PODNL1: variants seen among roughly 807,000 people sequenced by gnomAD.
The protein encoded by PODNL1 is podocan-like protein 1.
Under a neutral mutation model 45.1 loss-of-function variants are expected in PODNL1, and 50 were observed. The observed-to-expected ratio is 1.11, with a 90% CI of 0.88 to 1.40. The LOEUF (loss-of-function observed/expected upper bound fraction) is 1.40. Among genes scored for constraint, PODNL1 ranks in the 40% most tolerant of loss-of-function variants. PODNL1 has a pLI of 0.00. For synonymous variants in PODNL1, 406 were observed against 372.5 expected (o/e 1.09, Z -1.04); for missense variants, 788 against 793.3 (o/e 0.99, Z 0.08).
In PODNL1 at chr19:13,932,829, G is replaced by A; in HGVS notation, c.1394C>T (p.Pro465Leu). 1.2e-6 allele frequency: 2 copies of A among 1,612,900 alleles called. No individual in the cohort carries two copies. The highest frequency in any genetic ancestry group is 1.7e-6 in the Non-Finnish European group (2 of 1,179,968). ...HNRLRVGDIG[P>L]GTWHELQALQ... is the part of the protein sequence containing the mutation. ...GGCTTGGAGCTCATGCCAGGTGCCT[G>A]GCCCGATGTCGCCGACCCGGAGCCG... The change falls in exon 8 of 10, where the codon CCA becomes CTA. Residue 465 changes from proline to leucine, a missense_variant. By Grantham distance (98) the Pro-to-Leu change is moderately conservative (BLOSUM62 -3). This residue lies in a region of PODNL1 where 762 missense variants were observed against 750.9 expected (regional missense o/e 1.01). Transcript: ENST00000588872.
At chr19:13,948,867 C>T (rs1972913773) in intron 1 of PODNL1, among the ~76,000 whole-genome samples, 1 of 149,564 alleles carries the variant, frequency 6.7e-6, no homozygotes, top group South Asian at 2.1e-4. Context: ...TCACTTGAAC[C>T]TGGGAGGAGG....
At chr19:13,952,547 G>A in intron 1 of PODNL1, 4 of 1,264,910 alleles carry the variant, frequency 3.2e-6, no homozygotes, top group Non-Finnish European at 4.0e-6. Flanking sequence ...CGGAACAGCG[G>A]GGCTGGGAGC....
chr19:13,933,317 C>T lies in PODNL1; in HGVS notation c.906G>A (p.Gly302=), dbSNP rs1463472137. ...IRQVEAARLH[G]ARGLRYLLLQ... ...GCAACAAATAGCGCAGACCACGCGC[C>T]CCGTGCAGCCGAGCCGCCTCCACCT... Residue 302 remains glycine (G), a synonymous_variant, in exon 8 of 10, where the codon GGG becomes GGA. Transcript: ENST00000588872. This position sits in a 1 kb window ranked among gnomAD's most constrained non-coding sequence, Gnocchi z 5.2. The T allele has an allele frequency of 6.3e-7, 1 of 1,597,304 alleles. No individual in the cohort carries two copies.
chr19:13,946,868 T>C lies in PODNL1; in HGVS notation c.18+6251A>G, dbSNP rs140671647. Reference sequence around the variant, plus strand: ...GAGATCAAGACCATCCTGGCTAACATGGTGAAACCCCTTCTCTACTAAAAA... The same window carrying C: ...GAGATCAAGACCATCCTGGCTAACACGGTGAAACCCCTTCTCTACTAAAAA... On this transcript the variant is annotated intron_variant, in intron 1 of 7. Coordinates refer to the PODNL1 transcript ENST00000538371. 1.4e-3 allele frequency among the ~76,000 whole-genome samples: 210 copies of C among 151,566 alleles called. 1 individual carries two copies. Among genetic ancestry groups the C allele is most frequent in the African/African-American group, 3.9e-3 (161 of 41,324 alleles).
chr19:13,932,979 C>T lies in PODNL1; in HGVS notation c.1244G>A (p.Arg415Gln), dbSNP rs372452895. Residue 415 changes from arginine to glutamine, a missense_variant, in exon 8 of 10, where the codon CGG becomes CAG. By Grantham distance (43) the Arg-to-Gln change is conservative (BLOSUM62 1). Transcript: ENST00000588872. Reference sequence around the variant, plus strand: ...GCCAGTGGGCAGGCCCATGGGCAGCCGGGTTAGCTGATTCCCTGCCAGGTC... The same window carrying T: ...GCCAGTGGGCAGGCCCATGGGCAGCTGGGTTAGCTGATTCCCTGCCAGGTC... The part of the protein sequence containing the change: ...SLDLAGNQLT[R>Q]LPMGLPTGLR... 1.6e-4 allele frequency: 254 copies of T among 1,551,926 alleles called. No individual in the cohort carries two copies. Among genetic ancestry groups the T allele is most frequent in the African/African-American group, 9.6e-4 (71 of 73,756 alleles).
chr19:13,936,320 G>C, intron 3 of PODNL1, 47 bp downstream of exon 3: 1 of 1,528,040 alleles, frequency 6.5e-7, no homozygotes, highest in South Asian at 1.1e-5. Context: ...CTGAGACCTC[G>C]GTCAGTCCTA....
intron 2 of PODNL1, among the ~76,000 whole-genome samples, chr19:13,936,694 C>T: frequency 7.6e-6 from 1 of 132,018 alleles, no homozygotes; most frequent in Non-Finnish European, 1.6e-5. Context: ...CCCCAATTCC[C>T]CCAACACCCC....
chr19:13,931,941 C>T (rs1203668130), intron 9 of PODNL1, 23 bp downstream of exon 9: 2 of 1,232,126 alleles, frequency 1.6e-6, no homozygotes, highest in Admixed American at 4.2e-5. Context: ...CCACCTCCAC[C>T]CCTCCGGTCA....
chr19:13,934,238 C>T lies in PODNL1; in HGVS notation c.651+16G>A. On this transcript the variant is annotated intron_variant, in intron 6 of 9. Transcript: ENST00000588872. ...GAAGAGAGTCTGGCCCGGGGTGGGA[C>T]CTACAGCAGGGCTACCTGCAGGTGG... The T allele has an allele frequency of 6.7e-7, 1 of 1,496,432 alleles. No homozygotes were observed. Among genetic ancestry groups the T allele is most frequent in the Non-Finnish European group, 8.9e-7 (1 of 1,126,182 alleles). 92.7% of individuals were successfully genotyped at this position (1,496,432 alleles called of 1,614,324 possible). A position where few individuals can be genotyped will look rare whatever the true frequency, so the allele number is the denominator to read the frequency against.
At chr19:13,932,141 G>T (rs1042015959) in intron 8 of PODNL1, 29 bp from the exon 9 acceptor site, 8 of 1,234,312 alleles carry the variant, frequency 6.5e-6, no homozygotes, top group Non-Finnish European at 7.1e-6. Flanking sequence ...ATGGCATCGT[G>T]GCAGCCCCAG....
chr19:13,940,096 GT>G (rs1486795207), upstream of PODNL1: 3 of 152,070 alleles, frequency 2.0e-5, no homozygotes, highest in East Asian at 5.8e-4. Context: ...TCAAAGAGCT[GT>G]CTTGAAGCAG....
chr19:13,938,512 A>C, upstream of PODNL1: 2 of 1,163,372 alleles, frequency 1.7e-6, no homozygotes, highest in Non-Finnish European at 1.1e-6. Context: ...GTTTGGGGAA[A>C]AGCTGAGATT....
chr19:13,947,525 C>G (rs1164285805), intron 1 of PODNL1, among the ~76,000 whole-genome samples: 1 of 151,396 alleles, frequency 6.6e-6, no homozygotes, highest in Non-Finnish European at 1.5e-5. Context: ...AATTGCAGGA[C>G]ATCATGTTGG....
At chr19:13,942,708 C>A (rs1972693357), upstream of PODNL1, among the ~76,000 whole-genome samples, 1 of 152,018 alleles carries the variant, frequency 6.6e-6, no homozygotes, top group Non-Finnish European at 1.5e-5. Context: ...TGGCTGTGCG[C>A]CCCTGTGGCT....
chr19:13,932,876 C>T lies in PODNL1; in HGVS notation c.1347G>A (p.Arg449=), dbSNP rs929793515. The change falls in exon 8 of 10, where the codon CGG becomes CGA. Residue 449 remains arginine, a synonymous_variant. Coordinates refer to ENST00000588872, the MANE Select transcript of PODNL1 (RefSeq NM_001370095.3). ...PEPLAGLDQL[R]ELSLAHNRLR... is the part of the protein sequence containing the mutation. ...GCCGGTTGTGCGCCAGGCTGAGCTC[C>T]CGCAGTTGGTCCAGGCCGGCCAGAG... The T allele has an allele frequency of 6.2e-7, 1 of 1,609,094 alleles. No individual in the cohort carries two copies. Among genetic ancestry groups the T allele is most frequent in the South Asian group, 1.1e-5 (1 of 90,734 alleles).
At chr19:13,938,132 G>T in intron 1 of PODNL1, 47 bp downstream of exon 1, 1 of 1,556,426 alleles carries the variant, frequency 6.4e-7, no homozygotes, top group Non-Finnish European at 8.7e-7. Flanking sequence ...GCAGGGGTGG[G>T]GGGGCAGGCA....
At chr19:13,941,249 C>T (rs924420107), upstream of PODNL1, among the ~76,000 whole-genome samples, 1 of 151,064 alleles carries the variant, frequency 6.6e-6, no homozygotes, top group Non-Finnish European at 1.5e-5. Context: ...GCCTGTAATC[C>T]CAGCTACTCA....
intron 2 of PODNL1, among the ~76,000 whole-genome samples, chr19:13,937,403 C>T (rs1479219245): frequency 7.8e-6 from 1 of 128,216 alleles, no homozygotes; most frequent in East Asian, 2.4e-4. Context: ...CACAATTGAC[C>T]CCAAATGCGC....
At chr19:13,943,619 G>A (rs538276359) in intron 1 of PODNL1, among the ~76,000 whole-genome samples, 89 of 152,132 alleles carry the variant, frequency 5.9e-4, no homozygotes, top group African/African-American at 2.0e-3. Flanking sequence ...ATGCCACCAC[G>A]CCCGGCTAAT....
Sources: gnomAD v4.1 joint callset for allele counts (sites outside exome capture counted in the v4.1 genomes callset) on GRCh38, gnomAD v4.1.1 for gene constraint, gnomAD v4.1.1 regional missense constraint, Gnocchi (gnomAD v3.1) non-coding constraint, MANE v1.5 for transcripts, NCBI Gene and HGNC (gene_info 2026-07-23, HGNC 2026-07-21) for gene names.